Variants in LARP4B observed in about 807,000 individuals in gnomAD.
The protein encoded by LARP4B is La ribonucleoprotein 4B.
A neutral mutation model predicts 89.8 loss-of-function variants in LARP4B; 12 were observed. The ratio of observed to expected loss-of-function variants is 0.13; its 90% confidence interval spans 0.09 to 0.22. The LOEUF is 0.22. LARP4B is among the 10% of genes least tolerant of loss of function. The pLI is 1.00. For missense variants in LARP4B, 757 were observed against 947.7 expected (o/e 0.80, Z 2.64); for synonymous variants, 367 against 363.3 (o/e 1.01, Z -0.12).
At chr10:895,565 C>A (rs1836161332) in intron 1 of LARP4B, among the ~76,000 whole-genome samples, 1 of 151,030 alleles carries the variant, frequency 6.6e-6, no homozygotes, top group East Asian at 1.9e-4. Context: ...CCCAGCTACT[C>A]GGGAGGCTGA....
At chr10:945,674 C>A in the LARP4B span, among the ~76,000 whole-genome samples, 5 of 141,332 alleles carry the variant, frequency 3.5e-5, no homozygotes, top group Non-Finnish European at 6.1e-5. Context: ...GGCAACAGAG[C>A]GAGACTCCGT....
At chr10:879,307 C>A (rs189626318) in intron 3 of LARP4B, among the ~76,000 whole-genome samples, 145 of 152,310 alleles carry the variant, frequency 9.5e-4, no homozygotes, top group African/African-American at 3.4e-3. Flanking sequence ...GTCAGAGTAT[C>A]CCCCATCCTG....
At chr10:891,674 T>C (rs1836026148) in intron 1 of LARP4B, among the ~76,000 whole-genome samples, 1 of 152,212 alleles carries the variant, frequency 6.6e-6, no homozygotes, top group Admixed American at 6.5e-5. Flanking sequence ...AAAGTAACCA[T>C]GCCACAGTCT....
rs903370654 is a variant in LARP4B, at chr10:900,708, C to G, written c.-39-14948G>C. Among the ~76,000 whole-genome samples the G allele has an allele frequency of 1.1e-4, 17 of 150,600 alleles. 1 individual carries two copies. The highest frequency in any genetic ancestry group is 4.4e-5 in the Non-Finnish European group (3 of 67,694). ...AATCTCAGCTCACTGTAACCCCTGCCTCCCGAGTTCAAGCGATTCTCCTGC... is the reference window on the plus strand; with the variant it reads ...AATCTCAGCTCACTGTAACCCCTGCGTCCCGAGTTCAAGCGATTCTCCTGC... On this transcript the variant is annotated intron_variant, in intron 1 of 17. Transcript: ENST00000316157.
chr10:840,911 G>A (rs1833491005), intron 7 of LARP4B, among the ~76,000 whole-genome samples: 1 of 152,158 alleles, frequency 6.6e-6, no homozygotes, highest in East Asian at 1.9e-4. Flanking sequence ...CAGGACTTTG[G>A]GAGACTGAAG....
intron 13 of LARP4B, among the ~76,000 whole-genome samples, chr10:823,412 G>A (rs1378291737): frequency 6.6e-6 from 1 of 152,182 alleles, no homozygotes; most frequent in Non-Finnish European, 1.5e-5. Flanking sequence ...TTCAAGTATT[G>A]TTGAAGGGTA....
At chr10:879,714 G>A (rs941229497) in intron 3 of LARP4B, among the ~76,000 whole-genome samples, 3 of 152,074 alleles carry the variant, frequency 2.0e-5, no homozygotes, top group Non-Finnish European at 4.4e-5. Context: ...AAATCCTCCC[G>A]CCTTGGCCTC....
intron 13 of LARP4B, among the ~76,000 whole-genome samples, chr10:821,187 G>C (rs1420220406): frequency 6.6e-6 from 1 of 152,234 alleles, no homozygotes; most frequent in African/African-American, 2.4e-5. Context: ...TAAAATCTGA[G>C]ACTGAGCTCC....
At chr10:927,579 C>G (rs2132063989) in intron 1 of LARP4B, among the ~76,000 whole-genome samples, 1 of 152,308 alleles carries the variant, frequency 6.6e-6, no homozygotes, top group East Asian at 1.9e-4. Flanking sequence ...AAACTCAGAC[C>G]TGATGAGGTT....
At chr10:913,778 G>A (rs373801873) in intron 1 of LARP4B, among the ~76,000 whole-genome samples, 35 of 152,220 alleles carry the variant, frequency 2.3e-4, no homozygotes, top group East Asian at 5.8e-4. Flanking sequence ...GCATGGCAGC[G>A]CACGCCTGTA....
intron 9 of LARP4B, 99 bp from the exon 10 acceptor site, chr10:829,833 A>C: frequency 1.2e-6 from 1 of 811,258 alleles, no homozygotes; most frequent in Non-Finnish European, 2.1e-6. Flanking sequence ...ATATATAATT[A>C]AATTATGGTG....
chr10:860,204 A>C (rs1834528234), intron 5 of LARP4B, among the ~76,000 whole-genome samples: 1 of 152,170 alleles, frequency 6.6e-6, no homozygotes, highest in Non-Finnish European at 1.5e-5. Context: ...GCTCTAAAAA[A>C]AACAGTCTTT....
At chr10:844,571 C>G (rs1290041201) in intron 6 of LARP4B, among the ~76,000 whole-genome samples, 1 of 152,068 alleles carries the variant, frequency 6.6e-6, no homozygotes. Context: ...AAAGGTTTTA[C>G]TAAGAAAAGG....
intron 1 of LARP4B, among the ~76,000 whole-genome samples, chr10:931,175 G>A (rs1454602108): frequency 2.7e-5 from 4 of 148,644 alleles, no homozygotes; most frequent in South Asian, 4.2e-4. Context: ...CCCGGCCCCG[G>A]TCCTCCTCAG....
chr10:943,483 G>A, the LARP4B span, among the ~76,000 whole-genome samples: 1 of 152,132 alleles, frequency 6.6e-6, no homozygotes, highest in African/African-American at 2.4e-5. Context: ...AGGCGGGAGT[G>A]CAGTGGTGCG....
chr10:870,434 G>C (rs768122661), intron 3 of LARP4B, among the ~76,000 whole-genome samples: 1 of 152,212 alleles, frequency 6.6e-6, no homozygotes, highest in Non-Finnish European at 1.5e-5. Context: ...AATCCCCTGC[G>C]CTGCATCGCA....
At chr10:946,540 T>C in the LARP4B span, among the ~76,000 whole-genome samples, 2 of 152,350 alleles carry the variant, frequency 1.3e-5, no homozygotes, top group African/African-American at 4.8e-5. Flanking sequence ...AAGAATCTCA[T>C]AGGGTTAGGG....
chr10:940,524 C>T, the LARP4B span, among the ~76,000 whole-genome samples: 6 of 152,184 alleles, frequency 3.9e-5, no homozygotes, highest in East Asian at 1.9e-4. Context: ...AGGAACGTGG[C>T]GGGGGGAGGG....
intron 1 of LARP4B, among the ~76,000 whole-genome samples, chr10:893,699 A>G (rs1310533079): frequency 6.6e-6 from 1 of 152,188 alleles, no homozygotes; most frequent in Non-Finnish European, 1.5e-5. Context: ...TGAGCCTGGG[A>G]CATCTTACCA....
Sources: allele counts gnomAD v4.1 joint callset (sites outside exome capture counted in the v4.1 genomes callset), GRCh38; gene constraint gnomAD v4.1.1; transcripts MANE v1.5; gene names NCBI Gene and HGNC (gene_info 2026-07-23, HGNC 2026-07-21).